The following ITPR1 variants were observed in gnomAD, a reference collection of about 807,000 sequenced individuals.
The protein encoded by ITPR1 is inositol 1,4,5-trisphosphate-gated calcium channel ITPR1.
A neutral mutation model predicts 318.4 loss-of-function variants in ITPR1; 96 were observed. The observed-to-expected ratio is 0.30, with a 90% CI of 0.26 to 0.36. The LOEUF is 0.36. ITPR1 is among the 10% of genes least tolerant of loss of function. ITPR1 has a pLI of 1.00. For missense variants in ITPR1, 2,440 were observed against 3,460.2 expected (o/e 0.71, Z 7.40); for synonymous variants, 1,312 against 1,289.9 (o/e 1.02, Z -0.37).
In ITPR1 at chr3:4,680,596, T is replaced by C; in HGVS notation, c.3011T>C (p.Leu1004Pro). Residue 1004 changes from leucine to proline, a missense_variant, in exon 25 of 62, where the codon CTG becomes CCG. Transcript: ENST00000649015. ...TTGGATTATAGGATCTCCTGCCTCCTGTGTATATTTAAGCGAGAGTTTGAT... is the reference window on the plus strand; with the variant it reads ...TTGGATTATAGGATCTCCTGCCTCCCGTGTATATTTAAGCGAGAGTTTGAT... ...VRLDYRISCL[L>P]CIFKREFDES... 6.2e-7 allele frequency: 1 copy of C among 1,613,176 alleles called. No individual in the cohort carries two copies. Among genetic ancestry groups the C allele is most frequent in the Non-Finnish European group, 8.5e-7 (1 of 1,179,104 alleles).
chr3:4,580,749 G>T (rs748385944), intron 4 of ITPR1, among the ~76,000 whole-genome samples: 68 of 152,194 alleles, frequency 4.5e-4, no homozygotes, highest in Non-Finnish European at 4.9e-4. Context: ...AGCCGCAGAG[G>T]CTGTACTGAG....
intron 35 of ITPR1, among the ~76,000 whole-genome samples, chr3:4,702,074 G>A (rs1044662135): frequency 5.3e-5 from 8 of 152,106 alleles, no homozygotes; most frequent in African/African-American, 1.9e-4. Flanking sequence ...TGCCTTGCTG[G>A]TCCAAAGCTA....
At chr3:4,636,238 G>A (rs1312391105) in intron 5 of ITPR1, among the ~76,000 whole-genome samples, 1 of 152,096 alleles carries the variant, frequency 6.6e-6, no homozygotes, top group Non-Finnish European at 1.5e-5. Context: ...AAAAGAAATG[G>A]GAAGTTTTCT....
chr3:4,787,898 A>G, intron 51 of ITPR1, 49 bp from the exon 52 acceptor site: 1 of 1,364,136 alleles, frequency 7.3e-7, no homozygotes, highest in African/African-American at 1.4e-5. Flanking sequence ...TAGTCTTAGT[A>G]AAAGGTTTCA....
chr3:4,718,871 T>C (rs370327804), intron 40 of ITPR1, among the ~76,000 whole-genome samples: 1 of 152,240 alleles, frequency 6.6e-6, no homozygotes, highest in African/African-American at 2.4e-5. Context: ...CTGAATTTGA[T>C]GTTGGCACCC....
chr3:4,667,753 A>G (rs2093982855), intron 18 of ITPR1, among the ~76,000 whole-genome samples: 1 of 152,192 alleles, frequency 6.6e-6, no homozygotes, highest in Non-Finnish European at 1.5e-5. Flanking sequence ...AGTGTGTCCC[A>G]CCTGGATGAG....
intron 26 of ITPR1, among the ~76,000 whole-genome samples, chr3:4,682,659 C>G (rs998494688): frequency 6.6e-5 from 10 of 152,188 alleles, no homozygotes; most frequent in African/African-American, 2.2e-4. Flanking sequence ...ACTCAGCTCT[C>G]CCGCCATTTT....
intron 26 of ITPR1, among the ~76,000 whole-genome samples, chr3:4,682,910 C>G (rs544038992): frequency 5.1e-4 from 78 of 152,224 alleles, no homozygotes; most frequent in African/African-American, 1.7e-3. Flanking sequence ...TAAATATAGT[C>G]AGGCATGGTA....
At chr3:4,568,160 G>C (rs2087574793) in intron 4 of ITPR1, among the ~76,000 whole-genome samples, 1 of 152,128 alleles carries the variant, frequency 6.6e-6, no homozygotes. Flanking sequence ...TCATTACATA[G>C]AGTTTGTGTT....
chr3:4,601,901 C>T (rs768575227), intron 4 of ITPR1, among the ~76,000 whole-genome samples: 9 of 152,104 alleles, frequency 5.9e-5, no homozygotes, highest in Non-Finnish European at 8.8e-5. Flanking sequence ...TTTGAATAGA[C>T]GTTTCTCCAA....
At position 4,631,521 on chromosome 3, in the gene ITPR1, A is replaced by G. The variant is rs1185867723; in HGVS notation, c.279+3643A>G. ...TATCAATCTCTTTTAAAGAATTTTA[A>G]AATTATTTTTTCCGGAATTATATTT... On this transcript the variant is annotated intron_variant, in intron 5 of 61. Coordinates refer to ENST00000649015, the MANE Select transcript of ITPR1 (RefSeq NM_001378452.1). 5.3e-5 allele frequency among the ~76,000 whole-genome samples: 8 copies of G among 152,198 alleles called. No individual in the cohort carries two copies. The East Asian group carries it at 1.2e-3, about 22-fold the overall frequency.
chr3:4,795,748 C>G (rs573154404), intron 53 of ITPR1, among the ~76,000 whole-genome samples: 2 of 152,214 alleles, frequency 1.3e-5, no homozygotes, highest in Non-Finnish European at 2.9e-5. Flanking sequence ...CATAACAAAA[C>G]ATGATGATTA....
intron 2 of ITPR1, among the ~76,000 whole-genome samples, chr3:4,516,121 G>A (rs146439365): frequency 2.0e-3 from 298 of 152,266 alleles, no homozygotes; most frequent in African/African-American, 7.0e-3. Flanking sequence ...GACTTTCCAG[G>A]TAACTCCCTA....
At chr3:4,667,047 C>G (rs532101153) in intron 17 of ITPR1, among the ~76,000 whole-genome samples, 1 of 152,176 alleles carries the variant, frequency 6.6e-6, no homozygotes, top group Non-Finnish European at 1.5e-5. Flanking sequence ...ATTAGGAATA[C>G]GTTTAGAGCT....
At chr3:4,825,891 G>C (rs1471395516) in intron 60 of ITPR1, 3 of 416,294 alleles carry the variant, frequency 7.2e-6, no homozygotes, top group Non-Finnish European at 1.4e-5. Flanking sequence ...TAAGAGTAAG[G>C]ACCTAGGTTT....
intron 6 of ITPR1, among the ~76,000 whole-genome samples, chr3:4,641,356 C>T (rs2093334126): frequency 6.6e-6 from 1 of 152,140 alleles, no homozygotes; most frequent in Non-Finnish European, 1.5e-5. Context: ...AATGACAATC[C>T]CCTAAAGGGG....
intron 51 of ITPR1, 75 bp downstream of exon 51, chr3:4,783,995 C>G: frequency 2.0e-6 from 2 of 994,678 alleles, no homozygotes; most frequent in Non-Finnish European, 3.0e-6. Flanking sequence ...CTGGGGCTGG[C>G]GTGCATTCAT....
chr3:4,836,968 C>T (rs376873033), intron 61 of ITPR1, 33 bp downstream of exon 61: 59 of 1,523,608 alleles, frequency 3.9e-5, no homozygotes, highest in Non-Finnish European at 5.2e-5. Context: ...CCTACCCTCC[C>T]ATCACTATCC....
At chr3:4,512,965 G>A (rs553331492) in intron 2 of ITPR1, among the ~76,000 whole-genome samples, 3 of 151,712 alleles carry the variant, frequency 2.0e-5, no homozygotes, top group Admixed American at 6.6e-5. Flanking sequence ...CCGAGCCCTC[G>A]GTGTCTGTAA....
Sources: gnomAD v4.1 joint callset for allele counts (sites outside exome capture counted in the v4.1 genomes callset) on GRCh38, gnomAD v4.1.1 for gene constraint, MANE v1.5 for transcripts, NCBI Gene and HGNC (gene_info 2026-07-23, HGNC 2026-07-21) for gene names.